The following GREB1L variants were observed in gnomAD, a reference collection of about 807,000 sequenced individuals.
GREB1L encodes GREB1 like retinoic acid receptor coactivator.
In GREB1L, 17 loss-of-function variants were observed where a neutral mutation model predicts 200.8. The observed-to-expected ratio is 0.08, with a 90% CI of 0.06 to 0.13. The LOEUF (loss-of-function observed/expected upper bound fraction) is 0.13. Ranked by LOEUF, GREB1L falls within the 10% of genes least tolerant of loss-of-function variation. GREB1L has a pLI of 1.00. For missense variants in GREB1L, 1,657 were observed against 2,367.7 expected (o/e 0.70, Z 6.23); for synonymous variants, 789 against 893.0 (o/e 0.88, Z 2.08).
chr18:21,501,211 G>A (rs1291975928), intron 23 of GREB1L, among the ~76,000 whole-genome samples: 3 of 151,256 alleles, frequency 2.0e-5, no homozygotes, highest in South Asian at 2.1e-4. Flanking sequence ...AATGTCCTGC[G>A]AGGTGCTGGG....
At chr18:21,307,933 C>T (rs761554513) in intron 1 of GREB1L, among the ~76,000 whole-genome samples, 2 of 152,148 alleles carry the variant, frequency 1.3e-5, no homozygotes, top group Non-Finnish European at 2.9e-5. Flanking sequence ...ACAGTTCTGC[C>T]GTTACTGTTG....
At chr18:21,321,088 G>A (rs2038944221) in intron 1 of GREB1L, among the ~76,000 whole-genome samples, 2 of 151,978 alleles carry the variant, frequency 1.3e-5, no homozygotes, top group African/African-American at 2.4e-5. Context: ...GAGGTCAGGA[G>A]GTCAAGCCCA....
At chr18:21,291,114 G>T (rs2038442660) in intron 1 of GREB1L, among the ~76,000 whole-genome samples, 1 of 152,072 alleles carries the variant, frequency 6.6e-6, no homozygotes. Flanking sequence ...TCAGCCAGGT[G>T]ATCACACATC....
Position 21,242,290 on chromosome 18 carries a change from G to C in GREB1L, c.-223G>C, listed in dbSNP as rs2037507210. On this transcript the variant is annotated 5_prime_UTR_variant, in exon 1 of 33. Coordinates refer to ENST00000424526, the MANE Select transcript of GREB1L (RefSeq NM_001142966.3). ...TCGGAGTCGGGCGGCCGGAGCAGCG[G>C]AGCGCAGCGCGGCGCAGGGAACGGC... The C allele has an allele frequency of 6.6e-6, 1 of 152,188 alleles. No homozygotes were observed. Among genetic ancestry groups the C allele is most frequent in the Non-Finnish European group, 1.5e-5 (1 of 68,148 alleles). 9.4% of individuals were successfully genotyped at this position (152,188 alleles called of 1,614,324 possible).
chr18:21,296,755 A>G (rs183371272), intron 1 of GREB1L, among the ~76,000 whole-genome samples: 1 of 152,060 alleles, frequency 6.6e-6, no homozygotes, highest in African/African-American at 2.4e-5. Flanking sequence ...CATGGGTTCA[A>G]GCAGTTCTCC....
intron 32 of GREB1L, 36 bp downstream of exon 32, chr18:21,520,859 T>C: frequency 6.6e-7 from 1 of 1,504,668 alleles, no homozygotes; most frequent in Non-Finnish European, 8.9e-7. Context: ...GTAATTGCTA[T>C]TGGTTCCCAC....
At chr18:21,354,707 A>G (rs2039479551) in intron 1 of GREB1L, among the ~76,000 whole-genome samples, 1 of 152,160 alleles carries the variant, frequency 6.6e-6, no homozygotes, top group Non-Finnish European at 1.5e-5. Flanking sequence ...CTTGAGTTGA[A>G]ATCTAAAGGG....
At chr18:21,357,661 G>A (rs1011558266) in intron 1 of GREB1L, among the ~76,000 whole-genome samples, 4 of 152,132 alleles carry the variant, frequency 2.6e-5, no homozygotes, top group African/African-American at 9.7e-5. Context: ...ATGATGTAAG[G>A]ATCTAATTTC....
At chr18:21,356,759 G>T (rs1387257490) in intron 1 of GREB1L, among the ~76,000 whole-genome samples, 1 of 152,112 alleles carries the variant, frequency 6.6e-6, no homozygotes, top group Admixed American at 6.6e-5. Context: ...ACTGTTTTCT[G>T]TAATGGCTGT....
At chr18:21,360,427 T>A (rs1217645278) in intron 1 of GREB1L, among the ~76,000 whole-genome samples, 1 of 152,154 alleles carries the variant, frequency 6.6e-6, no homozygotes, top group African/African-American at 2.4e-5. Flanking sequence ...CGTTTCGCCA[T>A]GTTGGCCAGC....
intron 1 of GREB1L, among the ~76,000 whole-genome samples, chr18:21,317,275 T>TA (rs757361439): frequency 8.1e-4 from 123 of 151,420 alleles, no homozygotes; most frequent in African/African-American, 2.9e-3. Context: ...TATACAATGT[T>TA]AAAAAAAATT....
rs879009008 is a variant in GREB1L at position 21,444,345 on chromosome 18, C to A, written c.1329C>A (p.Thr443=). The stretch of plus-strand genomic sequence containing the variant: ...AAGATTTGGAAAAATTAGGGTTGAC[C>A]GGCAGCCAATTTCTGAGCGTGGAAA... ...ENKDLEKLGL[T]GSQFLSVENM... is the part of the protein sequence containing the mutation. The change falls in exon 11 of 33, where the codon ACC becomes ACA. Residue 443 remains threonine, a synonymous_variant. Transcript: ENST00000424526. 2 of 1,552,004 alleles carry A rather than the reference C, an allele frequency of 1.3e-6. No homozygotes were observed. The highest frequency in any genetic ancestry group is 1.2e-5 in the South Asian group (1 of 84,056).
chr18:21,403,721 G>C (rs1294554624), intron 6 of GREB1L, 151 bp from the exon 7 acceptor site: 1 of 596,426 alleles, frequency 1.7e-6, no homozygotes, highest in East Asian at 2.9e-5. Context: ...ACATTCTGTT[G>C]GAGTCAGGAT....
At chr18:21,371,766 A>G (rs1272208143) in intron 2 of GREB1L, among the ~76,000 whole-genome samples, 13 of 149,402 alleles carry the variant, frequency 8.7e-5, no homozygotes, top group Non-Finnish European at 1.0e-4. Context: ...CCTAGGAGAC[A>G]GTTTGAGACT....
intron 1 of GREB1L, among the ~76,000 whole-genome samples, chr18:21,258,998 T>C (rs1389184757): frequency 3.3e-5 from 5 of 152,342 alleles, no homozygotes; most frequent in Admixed American, 3.3e-4. Context: ...TTACAATTCA[T>C]ATTGCTTATT....
intron 27 of GREB1L, among the ~76,000 whole-genome samples, chr18:21,509,892 G>A (rs1373053663): frequency 6.6e-6 from 1 of 151,840 alleles, no homozygotes; most frequent in Non-Finnish European, 1.5e-5. Context: ...TTTATTTTTG[G>A]TAAAAATCAC....
chr18:21,500,347 T>G (rs896442359), intron 22 of GREB1L, 41 bp downstream of exon 22: 13 of 921,186 alleles, frequency 1.4e-5, no homozygotes, highest in African/African-American at 4.9e-5. Flanking sequence ...AGGCTGGGGT[T>G]GGCGCGTCTT....
chr18:21,385,523 G>A (rs1465789700), intron 4 of GREB1L, among the ~76,000 whole-genome samples: 4 of 151,954 alleles, frequency 2.6e-5, no homozygotes, highest in African/African-American at 9.7e-5. Context: ...TCTTTGATTC[G>A]GCCCTGCCTG....
At chr18:21,244,287 G>A (rs1042484985) in intron 1 of GREB1L, among the ~76,000 whole-genome samples, 28 of 152,144 alleles carry the variant, frequency 1.8e-4, no homozygotes, top group African/African-American at 6.0e-4. Context: ...AATGAGAACT[G>A]TAGTAGTTTA....
Sources: allele counts gnomAD v4.1 joint callset (sites outside exome capture counted in the v4.1 genomes callset), GRCh38; gene constraint gnomAD v4.1.1; transcripts MANE v1.5; gene names NCBI Gene and HGNC (gene_info 2026-07-23, HGNC 2026-07-21).